Variants in CFH observed in about 807,000 individuals in gnomAD.
CFH encodes complement factor H.
In CFH, 53 loss-of-function variants were observed where a neutral mutation model predicts 147.3. That is an observed-to-expected ratio of 0.36 (90% CI 0.29 to 0.45). The LOEUF (loss-of-function observed/expected upper bound fraction) is 0.45. CFH is among the 20% of genes least tolerant of loss of function. CFH has a pLI of 1.00. For synonymous variants in CFH, 536 were observed against 489.4 expected (o/e 1.10, Z -1.26); for missense variants, 1,380 against 1,498.0 (o/e 0.92, Z 1.30).
intron 9 of CFH, among the ~76,000 whole-genome samples, chr1:196,694,759 A>C (rs1668192824): frequency 6.6e-6 from 1 of 152,002 alleles, no homozygotes; most frequent in Non-Finnish European, 1.5e-5. Flanking sequence ...GACCAGTGAC[A>C]ATAAGCTTGT....
rs1038327316 is a variant in CFH, at chr1:196,697,035, C to A, written c.1336+6796C>A. On this transcript the variant is annotated intron_variant, in intron 9 of 21. Coordinates refer to ENST00000367429, the MANE Select transcript of CFH (RefSeq NM_000186.4). ...TGGATTAAAGACTTAAATGTTAGAT[C>A]TAAAACCATAAAAACCCTAGAAGAA... Among the ~76,000 whole-genome samples, 13 of 152,258 alleles carry A rather than the reference C, an allele frequency of 8.5e-5. 1 individual carries two copies. Among genetic ancestry groups the A allele is most frequent in the African/African-American group, 3.1e-4 (13 of 41,546 alleles).
At position 196,677,101 on chromosome 1, in the gene CFH, A is replaced by G. The variant is rs376835519; in HGVS notation, c.428-375A>G. ...ATTTCTCTATTGAAGTTAATGTCATAAAGTTTGCTTTTACATCTTTTAGGA... is the reference window on the plus strand; with the variant it reads ...ATTTCTCTATTGAAGTTAATGTCATGAAGTTTGCTTTTACATCTTTTAGGA... On this transcript the variant is annotated intron_variant, in intron 4 of 21. Transcript: ENST00000367429. 5.7e-5 allele frequency: 10 copies of G among 174,220 alleles called. No homozygotes were observed. The East Asian group carries it at 1.5e-3, about 27-fold the overall frequency. The allele number at this position is 174,220 out of a possible 1,614,324, so 10.8% of individuals were successfully genotyped here. A position where few individuals can be genotyped will look rare whatever the true frequency, so the allele number is the denominator to read the frequency against.
At position 196,678,377 on chromosome 1, in the gene CFH, T is replaced by C. The variant is rs576327140; in HGVS notation, c.619+710T>C. On this transcript the variant is annotated intron_variant, in intron 5 of 21. Coordinates refer to ENST00000367429, the MANE Select transcript of CFH (RefSeq NM_000186.4). The stretch of plus-strand genomic sequence containing the variant: ...TGATAAACATCGTGGTTGATTTGTT[T>C]AGTAGTACCATAGTTCAAGTTCATT... The C allele has an allele frequency of 2.0e-5, 3 of 152,068 alleles. No homozygotes were observed. The South Asian group carries it at 6.2e-4, about 31-fold the overall frequency. The allele number at this position is 152,068 out of a possible 1,614,324, so 9.4% of individuals were successfully genotyped here.
chr1:196,667,209 A>C (rs2149073910), intron 1 of CFH, among the ~76,000 whole-genome samples: 1 of 152,320 alleles, frequency 6.6e-6, no homozygotes, highest in Admixed American at 6.5e-5. Context: ...ATTTTTTAAA[A>C]GGAAAGGGAA....
At chr1:196,700,146 C>G (rs1051083482) in intron 9 of CFH, among the ~76,000 whole-genome samples, 11 of 152,108 alleles carry the variant, frequency 7.2e-5, no homozygotes, top group African/African-American at 2.7e-4. Flanking sequence ...AGCCCCCTTA[C>G]CCGAATCAAT....
chr1:196,717,386 T>G (rs1668896066), intron 11 of CFH, among the ~76,000 whole-genome samples: 1 of 152,138 alleles, frequency 6.6e-6, no homozygotes, highest in Non-Finnish European at 1.5e-5. Context: ...TATAATAAAG[T>G]CAAAGAAGTT....
chr1:196,690,313 C>A, intron 9 of CFH, 74 bp downstream of exon 9: 2 of 1,595,996 alleles, frequency 1.3e-6, no homozygotes, highest in African/African-American at 2.7e-5. Context: ...TAAGACTCAT[C>A]TATATTAATT....
At chr1:196,665,415 A>G (rs748527395) in intron 1 of CFH, among the ~76,000 whole-genome samples, 28 of 151,216 alleles carry the variant, frequency 1.9e-4, no homozygotes, top group Non-Finnish European at 3.5e-4. Context: ...ATAGTAAGTT[A>G]AAATGACATA....
chr1:196,678,147 T>C, intron 5 of CFH: 2 of 166,368 alleles, frequency 1.2e-5, no homozygotes, highest in South Asian at 3.0e-4. Flanking sequence ...AGAATGACAT[T>C]CGTTTTTGAA....
chr1:196,737,059 C>T, intron 16 of CFH, 53 bp downstream of exon 16: 1 of 1,453,608 alleles, frequency 6.9e-7, no homozygotes, highest in Non-Finnish European at 9.6e-7. Flanking sequence ...GGTTAATATT[C>T]TCTTGTGCTT....
intron 1 of CFH, among the ~76,000 whole-genome samples, chr1:196,663,600 A>T (rs1390669389): frequency 2.0e-5 from 3 of 152,186 alleles, no homozygotes; most frequent in African/African-American, 7.2e-5. Context: ...TTTCTCCCGT[A>T]TAATGTCTTT....
chr1:196,732,053 A>G lies in CFH; in HGVS notation c.2413+3531A>G, dbSNP rs73073535. On this transcript the variant is annotated intron_variant, in intron 15 of 21. Transcript: ENST00000367429. ...TCCCAGTTGTTGAAAGTTTTCTGTCATTATTTTTTTGAATATATTTTCTGT... is the reference window on the plus strand; with the variant it reads ...TCCCAGTTGTTGAAAGTTTTCTGTCGTTATTTTTTTGAATATATTTTCTGT... Among the ~76,000 whole-genome samples the G allele has an allele frequency of 9.1e-3, 1,381 of 151,966 alleles. 23 individuals carry two copies. The highest frequency in any genetic ancestry group is 0.031 in the African/African-American group (1,278 of 41,490).
chr1:196,677,756 T>A (rs573797091), intron 5 of CFH, 89 bp downstream of exon 5: 1 of 1,214,530 alleles, frequency 8.2e-7, no homozygotes, highest in African/African-American at 1.5e-5. Context: ...ATATCAGCAA[T>A]ATTAACAATA....
chr1:196,677,819 G>A, intron 5 of CFH, 152 bp downstream of exon 5: 3 of 703,492 alleles, frequency 4.3e-6, no homozygotes, highest in Non-Finnish European at 7.4e-6. Flanking sequence ...TAAGTTCTTT[G>A]CATGCATCAT....
intron 11 of CFH, among the ~76,000 whole-genome samples, chr1:196,722,734 T>G (rs1023833175): frequency 3.3e-5 from 5 of 152,290 alleles, no homozygotes; most frequent in Non-Finnish European, 7.4e-5. Flanking sequence ...TTCTCATTTT[T>G]TAGAACGTCA....
chr1:196,679,362 TTGA>T (rs902929117), intron 5 of CFH: 35 of 299,370 alleles, frequency 1.2e-4, no homozygotes, highest in African/African-American at 6.5e-4. Context: ...ATTTATACAG[TTGA>T]TGAATGTTAC....
intron 1 of CFH, among the ~76,000 whole-genome samples, chr1:196,672,611 A>G (rs1400563348): frequency 6.6e-6 from 1 of 152,194 alleles, no homozygotes; most frequent in Non-Finnish European, 1.5e-5. Flanking sequence ...TTTTCTTTAT[A>G]ACTTAGAATA....
At chr1:196,735,191 G>A (rs1161291406) in intron 15 of CFH, among the ~76,000 whole-genome samples, 1 of 152,046 alleles carries the variant, frequency 6.6e-6, no homozygotes, top group Non-Finnish European at 1.5e-5. Flanking sequence ...TGGTTTGTCT[G>A]TTGATGATTA....
chr1:196,713,990 G>A (rs747020961), intron 10 of CFH, 73 bp downstream of exon 10: 7 of 1,309,636 alleles, frequency 5.3e-6, no homozygotes, highest in Middle Eastern at 1.8e-4. Flanking sequence ...GTCTTTTTGT[G>A]GGGGCTGATA....
Sources: allele counts gnomAD v4.1 joint callset (sites outside exome capture counted in the v4.1 genomes callset), GRCh38; gene constraint gnomAD v4.1.1; transcripts MANE v1.5; gene names NCBI Gene and HGNC (gene_info 2026-07-23, HGNC 2026-07-21).